The following MGAT4C variants were observed in gnomAD, a reference collection of about 807,000 sequenced individuals.
MGAT4C encodes the protein MGAT4 family member C.
Under a neutral mutation model 40.1 loss-of-function variants are expected in MGAT4C, and 19 were observed. The ratio of observed to expected loss-of-function variants is 0.47; its 90% CI spans 0.33 to 0.70. The LOEUF is 0.70. Ranked by LOEUF, MGAT4C falls within the 30% of genes least tolerant of loss-of-function variation. The pLI is 0.02. For missense variants in MGAT4C, 491 were observed against 563.2 expected (o/e 0.87, Z 1.30); for synonymous variants, 181 against 187.1 (o/e 0.97, Z 0.27).
At position 86,288,824 on chromosome 12, in the gene MGAT4C, C is replaced by T. The variant is rs144917742; in HGVS notation, c.-57+45241G>A. ...TTCCAGATATTAGACCTTTGTTGGA[C>T]GCACAGTTTGTAAAAATTTTCTCCC... On this transcript the variant is annotated intron_variant, in intron 4 of 7. Coordinates refer to the MGAT4C transcript ENST00000548651. Among the ~76,000 whole-genome samples, 469 of 151,602 alleles carry T rather than the reference C, an allele frequency of 3.1e-3. 2 individuals carry two copies. The highest frequency in any genetic ancestry group is 0.011 in the African/African-American group (435 of 41,334).
At chr12:86,671,799 T>C (rs369107791) in intron 2 of MGAT4C, among the ~76,000 whole-genome samples, 4 of 151,932 alleles carry the variant, frequency 2.6e-5, no homozygotes, top group African/African-American at 9.7e-5. Flanking sequence ...CCAAGATATA[T>C]GAAAGAAATA....
chr12:85,956,576 A>C lies in MGAT4C; in HGVS notation c.*22713T>G, dbSNP rs1474945992. 1 of 152,178 alleles carries C rather than the reference A, an allele frequency of 6.6e-6. No homozygotes were observed. Among genetic ancestry groups the C allele is most frequent in the African/African-American group, 2.4e-5 (1 of 41,452 alleles). The allele number at this position is 152,178 out of a possible 1,614,324, so 9.4% of individuals were successfully genotyped here. On this transcript the variant is annotated 3_prime_UTR_variant, in exon 5 of 5. Coordinates refer to ENST00000611864, the MANE Select transcript of MGAT4C (RefSeq NM_001351288.2). ...GGATTACATTTAGTCTTTAGAAAAT[A>C]TTTGATTCAATCAAACAGCATTACT...
intron 1 of MGAT4C, among the ~76,000 whole-genome samples, chr12:86,739,531 G>A (rs1182383957): frequency 6.7e-6 from 1 of 148,452 alleles, no homozygotes; most frequent in African/African-American, 2.5e-5. Context: ...ATATTTGGGG[G>A]AAAAAAAAAG....
At chr12:86,523,165 G>A (rs1198474118) in intron 2 of MGAT4C, among the ~76,000 whole-genome samples, 1 of 151,520 alleles carries the variant, frequency 6.6e-6, no homozygotes, top group South Asian at 2.1e-4. Context: ...GTTGTGCTTT[G>A]TGTTGTGTGT....
intron 4 of MGAT4C, among the ~76,000 whole-genome samples, chr12:86,331,744 T>C (rs1954673695): frequency 6.6e-6 from 1 of 152,154 alleles, no homozygotes; most frequent in Non-Finnish European, 1.5e-5. Flanking sequence ...CTACCTAATG[T>C]AACATGTGGA....
chr12:86,029,273 G>C (rs1358882645), intron 2 of MGAT4C, among the ~76,000 whole-genome samples: 1 of 151,886 alleles, frequency 6.6e-6, no homozygotes, highest in Non-Finnish European at 1.5e-5. Flanking sequence ...TCATGGGAAA[G>C]AAAGGAGTAC....
At chr12:86,732,818 T>C (rs1950931781) in intron 1 of MGAT4C, among the ~76,000 whole-genome samples, 1 of 150,280 alleles carries the variant, frequency 6.7e-6, no homozygotes. Flanking sequence ...GTTTTGTTTG[T>C]TTTCTCCAGC....
chr12:86,551,329 G>A (rs1294470511), intron 2 of MGAT4C, among the ~76,000 whole-genome samples: 1 of 152,208 alleles, frequency 6.6e-6, no homozygotes, highest in East Asian at 1.9e-4. Context: ...AGGCAGCCAA[G>A]CAGCCTTGCA....
intron 3 of MGAT4C, among the ~76,000 whole-genome samples, chr12:86,368,732 G>A (rs942739453): frequency 2.4e-4 from 36 of 151,652 alleles, no homozygotes; most frequent in South Asian, 2.1e-4. Context: ...TCATTCCACC[G>A]TGGTCAGGAA....
At chr12:86,577,851 GT>G (rs1004215514) in intron 2 of MGAT4C, among the ~76,000 whole-genome samples, 2 of 151,576 alleles carry the variant, frequency 1.3e-5, no homozygotes, top group African/African-American at 4.8e-5. Context: ...CTTCAAATAT[GT>G]TTTTTTATTC....
At chr12:86,221,985 A>G (rs1950897300) in intron 1 of MGAT4C, among the ~76,000 whole-genome samples, 1 of 152,226 alleles carries the variant, frequency 6.6e-6, no homozygotes, top group Admixed American at 6.5e-5. Context: ...TTCATTAGAG[A>G]ATTATTCAGG....
intron 3 of MGAT4C, among the ~76,000 whole-genome samples, chr12:86,387,217 T>G (rs572219260): frequency 6.6e-6 from 1 of 152,182 alleles, no homozygotes; most frequent in South Asian, 2.1e-4. Flanking sequence ...GCAATGAAAA[T>G]TTTACTGCAT....
At chr12:86,827,254 G>A (rs1952825600) in intron 1 of MGAT4C, among the ~76,000 whole-genome samples, 1 of 151,366 alleles carries the variant, frequency 6.6e-6, no homozygotes, top group African/African-American at 2.4e-5. Context: ...ATAGGAGATG[G>A]AGCATTTAAT....
rs572934886 is a variant in MGAT4C, at chr12:86,797,327, T to C, written c.-262+41339A>G. Among the ~76,000 whole-genome samples, 3 of 152,034 alleles carry C rather than the reference T, an allele frequency of 2.0e-5. No individual in the cohort carries two copies. The South Asian group carries it at 6.2e-4, about 32-fold the overall frequency. Reference sequence around the variant, plus strand: ...TCTCTGGAGATATTATTCAATGTTATTCTTCTATTTTTCTTTCAAGTTTTT... The same window carrying C: ...TCTCTGGAGATATTATTCAATGTTACTCTTCTATTTTTCTTTCAAGTTTTT... On this transcript the variant is annotated intron_variant, in intron 1 of 7. Coordinates refer to the MGAT4C transcript ENST00000548651.
intron 1 of MGAT4C, among the ~76,000 whole-genome samples, chr12:86,790,854 G>A (rs928553581): frequency 1.3e-5 from 2 of 152,068 alleles, no homozygotes; most frequent in Admixed American, 1.3e-4. Flanking sequence ...TCTAGGGCCT[G>A]GGCATCCCTA....
At chr12:86,369,824 A>G (rs1955683005) in intron 3 of MGAT4C, among the ~76,000 whole-genome samples, 1 of 152,008 alleles carries the variant, frequency 6.6e-6, no homozygotes, top group Non-Finnish European at 1.5e-5. Context: ...TAAATCTTCA[A>G]TAGACAATTT....
At chr12:86,764,681 A>T (rs1160029054) in intron 1 of MGAT4C, among the ~76,000 whole-genome samples, 1 of 151,646 alleles carries the variant, frequency 6.6e-6, no homozygotes, top group African/African-American at 2.4e-5. Flanking sequence ...CCAGAGGAAC[A>T]ATCAGACAGC....
At chr12:86,411,355 A>G (rs950500887) in intron 3 of MGAT4C, among the ~76,000 whole-genome samples, 3 of 152,202 alleles carry the variant, frequency 2.0e-5, no homozygotes, top group African/African-American at 4.8e-5. Flanking sequence ...TGGATAGTGA[A>G]GCATTCTGAG....
intron 2 of MGAT4C, among the ~76,000 whole-genome samples, chr12:86,595,605 G>A (rs1961507751): frequency 6.6e-6 from 1 of 151,346 alleles, no homozygotes; most frequent in African/African-American, 2.4e-5. Context: ...CCAAACATCA[G>A]TCTATGATAG....
Sources: gnomAD v4.1 joint callset for allele counts (sites outside exome capture counted in the v4.1 genomes callset) on GRCh38, gnomAD v4.1.1 for gene constraint, MANE v1.5 for transcripts, NCBI Gene and HGNC (gene_info 2026-07-23, HGNC 2026-07-21) for gene names.